DIDO1: variants seen among roughly 807,000 people sequenced by gnomAD.
DIDO1 encodes death-inducer obliterator 1.
In DIDO1, 16 loss-of-function variants were observed where a neutral mutation model predicts 99.4. The ratio of observed to expected loss-of-function variants is 0.16; its 90% CI spans 0.11 to 0.24. The LOEUF is 0.24. DIDO1 is among the 10% of genes least tolerant of loss of function. The probability of loss-of-function intolerance (pLI) is 1.00; values close to 1 mark genes in which losing one functional copy is unlikely to be tolerated. For missense variants in DIDO1, 2,996 were observed against 3,014.0 expected (o/e 0.99, Z 0.14); for synonymous variants, 1,366 against 1,239.1 (o/e 1.10, Z -2.15).
upstream of DIDO1, among the ~76,000 whole-genome samples, chr20:62,927,908 C>A (rs566824671): frequency 5.9e-5 from 9 of 152,218 alleles, no homozygotes; most frequent in African/African-American, 2.2e-4. Flanking sequence ...GCAAAGAGGG[C>A]TTTTTGCTCT....
Position 62,892,909 on chromosome 20 carries a change from C to T in DIDO1, c.3155G>A (p.Arg1052Gln), listed in dbSNP as rs766063239. ...AAATCCTTTCCAAATGGTGCTGAGTCGAGACAAAAAGAGGGTCGTGTCTCC... is the reference window on the plus strand; with the variant it reads ...AAATCCTTTCCAAATGGTGCTGAGTTGAGACAAAAAGAGGGTCGTGTCTCC... ...PEGDTTLFLS[R>Q]LSTIWKGFIN... The change falls in exon 13 of 16, where the codon CGA (arginine) becomes CAA (glutamine). Residue 1052 changes from arginine to glutamine, a missense_variant. Transcript: ENST00000395343. 6 of 1,613,670 alleles carry T rather than the reference C, an allele frequency of 3.7e-6. No individual in the cohort carries two copies. Among genetic ancestry groups the T allele is most frequent in the East Asian group, 2.2e-5 (1 of 44,878 alleles).
chr20:62,917,892 T>TAC (rs2065067723), intron 1 of DIDO1, among the ~76,000 whole-genome samples: 1 of 152,210 alleles, frequency 6.6e-6, no homozygotes, highest in African/African-American at 2.4e-5. Context: ...AAGTCATCTT[T>TAC]ACCTCTTAGC....
intron 6 of DIDO1, among the ~76,000 whole-genome samples, chr20:62,900,340 G>C (rs1348239697): frequency 6.6e-6 from 1 of 152,268 alleles, no homozygotes; most frequent in East Asian, 1.9e-4. Flanking sequence ...TCGTCGTCGT[G>C]CACAGGGATC....
chr20:62,889,643 C>T lies in DIDO1; in HGVS notation c.3541+1317G>A, dbSNP rs890382204. On this transcript the variant is annotated intron_variant, in intron 15 of 15. Coordinates refer to ENST00000395343, the MANE Select transcript of DIDO1 (RefSeq NM_001193369.2). Reference sequence around the variant, plus strand: ...TCTCGGTCTTCACCTCCAGGAGGGCCGGGCTTTTCCTCTCCCTGGTCACGT... The same window carrying T: ...TCTCGGTCTTCACCTCCAGGAGGGCTGGGCTTTTCCTCTCCCTGGTCACGT... 6.1e-6 allele frequency: 6 copies of T among 985,252 alleles called. No homozygotes were observed. In the African/African-American group the frequency reaches 7.0e-5, roughly 11 times the overall value. The allele number at this position is 985,252 out of a possible 1,614,324, so 61.0% of individuals were successfully genotyped here.
chr20:62,907,151 G>C lies in DIDO1; in HGVS notation c.1370C>G (p.Ala457Gly). Residue 457 changes from alanine (A) to glycine (G), a missense_variant, in exon 5 of 16, where the codon GCT becomes GGT. This residue lies in a region of DIDO1 where 898 missense variants were observed against 972.7 expected (regional missense o/e 0.92). Coordinates refer to ENST00000395343, the MANE Select transcript of DIDO1 (RefSeq NM_001193369.2). ...GGCTGGTCCTGGTCCACTCACCTGA[G>C]CACCGCATTTCGGAAGACTGGGCTT... Reference protein sequence around the residue: ...PEKPSLPKCGAQAGIKISSVH... With the variant: ...PEKPSLPKCGGQAGIKISSVH... 6.2e-7 allele frequency: 1 copy of C among 1,614,196 alleles called. No individual in the cohort carries two copies. Among genetic ancestry groups the C allele is most frequent in the Non-Finnish European group, 8.5e-7 (1 of 1,180,018 alleles).
chr20:62,893,857 G>A lies in DIDO1; in HGVS notation c.2910C>T (p.Thr970=), dbSNP rs761528552. The A allele has an allele frequency of 2.7e-5, 43 of 1,613,160 alleles. No homozygotes were observed. The South Asian group carries it at 3.3e-4, about 12-fold the overall frequency. The change falls in exon 12 of 16, where the codon ACC becomes ACT. Residue 970 remains threonine, a synonymous_variant. Transcript: ENST00000395343. ...CGGCTGTGCATGAACTGCTTGGAGCGGTCCTGGGGTCCCGGCCGGACACTG... is the reference window on the plus strand; with the variant it reads ...CGGCTGTGCATGAACTGCTTGGAGCAGTCCTGGGGTCCCGGCCGGACACTG... ...TVTVSGRDPR[T]APSSSCTAVA...
Position 62,882,159 on chromosome 20 carries a change from G to C in DIDO1, c.3797C>G (p.Pro1266Arg), listed in dbSNP as rs1600904003. 3 of 1,613,274 alleles carry C rather than the reference G, an allele frequency of 1.9e-6. No individual in the cohort carries two copies. Among genetic ancestry groups the C allele is most frequent in the Non-Finnish European group, 2.5e-6 (3 of 1,180,032 alleles). Residue 1266 changes from proline to arginine, a missense_variant, in exon 16 of 16, where the codon CCT becomes CGT. By Grantham distance (103) the Pro-to-Arg change is moderately radical. This residue lies in a region of DIDO1 where 1,562 missense variants were observed against 1,412.6 expected (regional missense o/e 1.11). Coordinates refer to ENST00000395343, the MANE Select transcript of DIDO1 (RefSeq NM_001193369.2). ...TPPGSPPPPP[P>R]LPEPPVLKVL... The stretch of plus-strand genomic sequence containing the variant: ...TTTTAGCACCGGTGGTTCTGGAAGA[G>C]GGGGCGGAGGCGGCGGCGACCCAGG...
chr20:62,897,172 A>C (rs2064555656), intron 6 of DIDO1, among the ~76,000 whole-genome samples, 176 bp from the exon 7 acceptor site: 1 of 152,188 alleles, frequency 6.6e-6, no homozygotes, highest in East Asian at 1.9e-4. Context: ...GTAAGGGAGG[A>C]CCGCCAGCAG....
chr20:62,890,304 A>G (rs921074955), intron 15 of DIDO1: 13 of 985,952 alleles, frequency 1.3e-5, no homozygotes, highest in African/African-American at 5.2e-5. Context: ...AGGGGCTATG[A>G]AAGAGCTGGT....
rs77506766 is a variant in DIDO1, at chr20:62,894,810, C to T, written c.2436G>A (p.Glu812=). Residue 812 remains glutamate, a splice_region_variant and synonymous_variant, in exon 10 of 16, where the codon GAG becomes GAA. Coordinates refer to ENST00000395343, the MANE Select transcript of DIDO1 (RefSeq NM_001193369.2). This position sits in a 1 kb window ranked among gnomAD's most constrained non-coding sequence, Gnocchi z 4.4. ...LEDSPPVSDS[E]EQQESARAVP... The stretch of plus-strand genomic sequence containing the variant: ...AACACAAAATCTCCCAAATGCTTAC[C>T]TCTGAATCCGACACTGGCGGAGAGT... The T allele has an allele frequency of 9.8e-4, 1,577 of 1,611,530 alleles. 26 individuals carry two copies. The East Asian group carries it at 0.029, about 30-fold the overall frequency.
At chr20:62,887,709 T>C in intron 15 of DIDO1, 1 of 984,998 alleles carries the variant, frequency 1.0e-6, no homozygotes, top group Non-Finnish European at 1.2e-6. Flanking sequence ...CCCTACACGA[T>C]GAGCTTTCAA....
At chr20:62,919,673 C>T (rs569768951) in intron 1 of DIDO1, among the ~76,000 whole-genome samples, 2 of 152,336 alleles carry the variant, frequency 1.3e-5, no homozygotes, top group South Asian at 2.1e-4. Flanking sequence ...TATAGATACG[C>T]GGAGACAAAA....
In DIDO1 at chr20:62,895,175, A is replaced by C; in HGVS notation, c.2215-10T>G. 1 of 1,592,420 alleles carries C rather than the reference A, an allele frequency of 6.3e-7. No homozygotes were observed. Among genetic ancestry groups the C allele is most frequent in the South Asian group, 1.1e-5 (1 of 90,534 alleles). On this transcript the variant is annotated splice_polypyrimidine_tract_variant and intron_variant, in intron 8 of 15. Transcript: ENST00000395343. ...CACGATGGAAGAGTCCCTATAAACA[A>C]GTATTTTTCATTTACTCAAATAATA...
At position 62,891,150 on chromosome 20, in the gene DIDO1, G is replaced by A. The variant is rs1412425536; in HGVS notation, c.3351C>T (p.Leu1117=). 6.2e-7 allele frequency: 1 copy of A among 1,614,006 alleles called. No homozygotes were observed. Among genetic ancestry groups the A allele is most frequent in the Non-Finnish European group, 8.5e-7 (1 of 1,180,008 alleles). The change falls in exon 15 of 16, where the codon CTC becomes CTT. Residue 1117 remains leucine (L), a synonymous_variant. Coordinates refer to ENST00000395343, the MANE Select transcript of DIDO1 (RefSeq NM_001193369.2). ...TGGCGGGGTGGAAGCGGATCAGACA[G>A]AGCTCCTGCAATGGAAGAGTGGGAA... ...GKLKSSVSKE[L]CLIRFHPATE...
rs774684278 is a variant in DIDO1 at position 62,896,598 on chromosome 20, G to A, written c.1987C>T (p.Pro663Ser). The change falls in exon 7 of 16, where the codon CCA (proline) becomes TCA (serine). Residue 663 changes from proline to serine, a missense_variant. Pro to Ser is a moderately conservative substitution (Grantham distance 74). This residue lies in a region of DIDO1 where 898 missense variants were observed against 972.7 expected (regional missense o/e 0.92). Transcript: ENST00000395343. This position sits in a 1 kb window ranked among gnomAD's most constrained non-coding sequence, Gnocchi z 4.4. ...PGRLGAMSAA[P>S]SQPNSQIRQN... ...CGAATTTGTGAATTTGGCTGCGATG[G>A]TGCAGCACTCATAGCCCCAAGGCGT... 1.2e-6 allele frequency: 2 copies of A among 1,610,870 alleles called. No homozygotes were observed. Among genetic ancestry groups the A allele is most frequent in the South Asian group, 2.2e-5 (2 of 90,624 alleles).
chr20:62,912,420 G>C (rs1213629774), intron 2 of DIDO1, among the ~76,000 whole-genome samples: 2 of 147,240 alleles, frequency 1.4e-5, no homozygotes, highest in African/African-American at 5.1e-5. Context: ...ATCACTTTAA[G>C]GTATATTTCT....
intron 1 of DIDO1, among the ~76,000 whole-genome samples, chr20:62,921,351 C>A (rs961196185): frequency 1.1e-4 from 16 of 152,358 alleles, no homozygotes; most frequent in African/African-American, 3.8e-4. Flanking sequence ...AGTCTGGTAA[C>A]CGCTGACACA....
At chr20:62,931,366 AAAGT>A (rs1372827743), upstream of DIDO1, among the ~76,000 whole-genome samples, 1 of 152,216 alleles carries the variant, frequency 6.6e-6, no homozygotes, top group Non-Finnish European at 1.5e-5. Context: ...AGGTCAGTGA[AAAGT>A]AAATAAAAAC....
chr20:62,881,740 G>A lies in DIDO1; in HGVS notation c.4216C>T (p.Arg1406Trp), dbSNP rs1462994165. Residue 1406 changes from arginine (R) to tryptophan (W), a missense_variant, in exon 16 of 16, where the codon CGG (arginine) becomes TGG (tryptophan). By Grantham distance (101) the Arg-to-Trp change is moderately radical. Transcript: ENST00000395343. The surrounding 1 kb of genome is among the most constrained non-coding windows in gnomAD (Gnocchi z 8.3). The part of the protein sequence containing the change: ...AFDTQLVERG[R>W]RHEVERAPEA... Reference sequence around the variant, plus strand: ...GGAGCCCTTTCCACCTCGTGGCGCCGCCCTCGCTCCACAAGCTGAGTGTCG... The same window carrying A: ...GGAGCCCTTTCCACCTCGTGGCGCCACCCTCGCTCCACAAGCTGAGTGTCG... The A allele has an allele frequency of 1.9e-6, 3 of 1,612,836 alleles. No homozygotes were observed. Among genetic ancestry groups the A allele is most frequent in the African/African-American group, 2.7e-5 (2 of 74,904 alleles).
Sources: gnomAD v4.1 joint callset for allele counts (sites outside exome capture counted in the v4.1 genomes callset) on GRCh38, gnomAD v4.1.1 for gene constraint, gnomAD v4.1.1 regional missense constraint, Gnocchi (gnomAD v3.1) non-coding constraint, MANE v1.5 for transcripts, NCBI Gene and HGNC (gene_info 2026-07-23, HGNC 2026-07-21) for gene names.